NTRK2: variants seen among roughly 807,000 people sequenced by gnomAD.
The protein encoded by NTRK2 is BDNF/NT-3 growth factors receptor.
A neutral mutation model predicts 94.5 loss-of-function variants in NTRK2; 13 were observed. That is an observed-to-expected ratio of 0.14 (90% CI 0.09 to 0.22). The LOEUF is 0.22. NTRK2 is among the 10% of genes least tolerant of loss of function. The pLI is 1.00. For missense variants in NTRK2, 639 were observed against 1,071.2 expected (o/e 0.60, Z 5.63); for synonymous variants, 372 against 407.4 (o/e 0.91, Z 1.05).
intron 8 of NTRK2, among the ~76,000 whole-genome samples, chr9:84,724,735 T>C (rs1452669040): frequency 1.3e-5 from 2 of 152,236 alleles, no homozygotes; most frequent in Non-Finnish European, 2.9e-5. Flanking sequence ...TTTAAAGTTA[T>C]GATACCTAAA....
chr9:84,805,189 C>T (rs552363401), intron 12 of NTRK2, among the ~76,000 whole-genome samples: 2 of 152,308 alleles, frequency 1.3e-5, no homozygotes, highest in South Asian at 4.2e-4. Flanking sequence ...CAAATTCCAG[C>T]TTTGCCAAGT....
chr9:84,769,980 T>C (rs1373031768), intron 12 of NTRK2, among the ~76,000 whole-genome samples: 1 of 152,136 alleles, frequency 6.6e-6, no homozygotes, highest in East Asian at 1.9e-4. Flanking sequence ...TGATTCATAT[T>C]GCAACTGTCG....
At chr9:84,689,594 C>CT (rs1313589907) in intron 2 of NTRK2, among the ~76,000 whole-genome samples, 2 of 151,910 alleles carry the variant, frequency 1.3e-5, no homozygotes, top group African/African-American at 2.4e-5. Context: ...ACATCTTATC[C>CT]TTTTTTTAAA....
intron 6 of NTRK2, among the ~76,000 whole-genome samples, chr9:84,714,919 G>A (rs904163647): frequency 6.6e-6 from 1 of 152,132 alleles, no homozygotes; most frequent in African/African-American, 2.4e-5. Flanking sequence ...AACTACTGTG[G>A]CCATTGTATT....
At chr9:84,852,513 A>G (rs1479141066) in intron 12 of NTRK2, among the ~76,000 whole-genome samples, 1 of 152,196 alleles carries the variant, frequency 6.6e-6, no homozygotes, top group East Asian at 1.9e-4. Context: ...TATTAAGCAG[A>G]GGTTGCCCCT....
chr9:84,800,442 C>G (rs1040650108), intron 12 of NTRK2, among the ~76,000 whole-genome samples: 3 of 152,226 alleles, frequency 2.0e-5, no homozygotes, highest in Admixed American at 6.5e-5. Flanking sequence ...CTCAGGTGAT[C>G]TGCCTGCCTC....
intron 9 of NTRK2, among the ~76,000 whole-genome samples, chr9:84,735,801 T>C (rs2063217333): frequency 6.6e-6 from 1 of 152,214 alleles, no homozygotes; most frequent in South Asian, 2.1e-4. Context: ...ATGTCAGTCA[T>C]TGAAATTCAA....
intron 6 of NTRK2, among the ~76,000 whole-genome samples, chr9:84,722,856 C>G (rs2062169289): frequency 1.3e-5 from 2 of 152,190 alleles, no homozygotes; most frequent in South Asian, 4.1e-4. Flanking sequence ...AATACATTCT[C>G]AGAGTCTTTC....
intron 12 of NTRK2, chr9:84,811,925 C>A: frequency 1.9e-6 from 2 of 1,057,070 alleles, no homozygotes; most frequent in Non-Finnish European, 2.3e-6. Context: ...CCCCACCCCA[C>A]CCTGTTCCTT....
intron 2 of NTRK2, among the ~76,000 whole-genome samples, chr9:84,688,823 A>G (rs1401356701): frequency 6.6e-6 from 1 of 152,206 alleles, no homozygotes; most frequent in Non-Finnish European, 1.5e-5. Flanking sequence ...ATATGTCAGT[A>G]GACATGCATA....
chr9:84,783,954 G>A (rs761410405), intron 12 of NTRK2, among the ~76,000 whole-genome samples: 12 of 152,170 alleles, frequency 7.9e-5, no homozygotes, highest in Non-Finnish European at 1.8e-4. Flanking sequence ...ATGGAGGTTG[G>A]AAGACTGGGG....
chr9:84,995,080 T>G (rs1829577679), intron 17 of NTRK2, among the ~76,000 whole-genome samples: 1 of 152,130 alleles, frequency 6.6e-6, no homozygotes, highest in African/African-American at 2.4e-5. Context: ...TCCATGTGAG[T>G]CCTTAGAAAC....
At chr9:84,902,576 G>A (rs2076962518) in intron 14 of NTRK2, among the ~76,000 whole-genome samples, 1 of 152,134 alleles carries the variant, frequency 6.6e-6, no homozygotes, top group African/African-American at 2.4e-5. Context: ...ACATAAACAT[G>A]TAAATAAATC....
At chr9:84,929,737 G>A (rs535573846) in intron 14 of NTRK2, among the ~76,000 whole-genome samples, 2 of 152,024 alleles carry the variant, frequency 1.3e-5, no homozygotes, top group Admixed American at 6.5e-5. Context: ...AATTTTTGTA[G>A]TTTTAATAGA....
intron 12 of NTRK2, among the ~76,000 whole-genome samples, chr9:84,766,283 A>C (rs2066017179): frequency 6.6e-6 from 1 of 152,104 alleles, no homozygotes; most frequent in Non-Finnish European, 1.5e-5. Flanking sequence ...GTGCAAGACT[A>C]AGGTGGCCAG....
At chr9:84,996,109 T>C (rs1353772333) in intron 17 of NTRK2, among the ~76,000 whole-genome samples, 1 of 152,256 alleles carries the variant, frequency 6.6e-6, no homozygotes, top group Non-Finnish European at 1.5e-5. Flanking sequence ...TTGAACATTA[T>C]TGTGAACATA....
At chr9:84,836,934 G>GTATAATATAATATAA (rs56390905) in intron 12 of NTRK2, among the ~76,000 whole-genome samples, 2,351 of 134,162 alleles carry the variant, frequency 0.018, 43 homozygotes, top group Middle Eastern at 0.026. Context: ...TTGTCGTAGA[G>GTATAATATAATATAA]TATAATATAA....
intron 12 of NTRK2, among the ~76,000 whole-genome samples, chr9:84,859,065 C>A (rs2075206284): frequency 6.6e-6 from 1 of 152,156 alleles, no homozygotes; most frequent in Admixed American, 6.5e-5. Context: ...TAGGTGGAGG[C>A]ACTCAGTGAA....
Position 84,897,919 on chromosome 9 carries a change from C to T in NTRK2, c.1633+30488C>T, listed in dbSNP as rs139169171. ...CAAGGGTCATTCTTGTCTTCGTAGC[C>T]ATGGCAACCACAGCTTAGCCCAGGG... On this transcript the variant is annotated intron_variant, in intron 14 of 18. Coordinates refer to ENST00000277120, the MANE Select transcript of NTRK2 (RefSeq NM_006180.6). 2.5e-3 allele frequency among the ~76,000 whole-genome samples: 384 copies of T among 152,330 alleles called. 2 individuals are homozygous for T. The highest frequency in any genetic ancestry group is 0.017 in the Middle Eastern group (5 of 294).
Sources: gnomAD v4.1 joint callset for allele counts (sites outside exome capture counted in the v4.1 genomes callset) on GRCh38, gnomAD v4.1.1 for gene constraint, MANE v1.5 for transcripts, NCBI Gene and HGNC (gene_info 2026-07-23, HGNC 2026-07-21) for gene names.